The following RPIA variants were observed in gnomAD, a reference collection of about 807,000 sequenced individuals.
RPIA encodes ribose-5-phosphate isomerase.
RPIA carries 29 observed loss-of-function variants against 37.8 expected under a neutral mutation model. The observed-to-expected ratio is 0.77, with a 90% CI of 0.57 to 1.05. The LOEUF is 1.05. Among genes scored for constraint, RPIA ranks in the 50% least tolerant of loss-of-function variants. RPIA has a pLI of 0.00. For missense variants in RPIA, 385 were observed against 413.6 expected (o/e 0.93, Z 0.60); for synonymous variants, 167 against 157.0 (o/e 1.06, Z -0.48).
chr2:88,750,055 A>C lies in RPIA; in HGVS notation c.913A>C (p.Met305Leu). ...TGGGATGCAGGATGGCTCAGTGAAC[A>C]TGAGGGAGAAGCCTTTCTGTTGACC... is the stretch of plus-strand genomic sequence containing the variant. ...YFGMQDGSVN[M>L]REKPFC is the part of the protein sequence containing the mutation. The change falls in exon 9 of 9, where the codon ATG (methionine) becomes CTG (leucine). Residue 305 changes from methionine (M) to leucine (L), a missense_variant. Physicochemically the swap from Met to Leu is conservative, Grantham distance 15 (BLOSUM62 2). This residue lies in a region of RPIA where 153 missense variants were observed against 210.6 expected (regional missense o/e 0.73). Transcript: ENST00000283646. 6.2e-7 allele frequency: 1 copy of C among 1,612,868 alleles called. No homozygotes were observed. The highest frequency in any genetic ancestry group is 2.2e-5 in the East Asian group (1 of 44,818).
At chr2:88,714,229 G>A (rs1312934120) in intron 3 of RPIA, among the ~76,000 whole-genome samples, 1 of 151,662 alleles carries the variant, frequency 6.6e-6, no homozygotes, top group African/African-American at 2.4e-5. Context: ...GGAGTGCAGT[G>A]GCGCGATCTG....
intron 1 of RPIA, among the ~76,000 whole-genome samples, chr2:88,692,820 T>G (rs978126181): frequency 1.3e-5 from 2 of 152,218 alleles, no homozygotes; most frequent in African/African-American, 4.8e-5. Context: ...TCTCCGATAA[T>G]AGTTCTTTAC....
chr2:88,740,102 G>T (rs1490279832), intron 8 of RPIA, among the ~76,000 whole-genome samples: 3 of 152,182 alleles, frequency 2.0e-5, no homozygotes, highest in African/African-American at 7.2e-5. Flanking sequence ...GGGAGAACTT[G>T]CCCTTGGTGA....
At chr2:88,724,974 A>T (rs1349468405) in intron 3 of RPIA, among the ~76,000 whole-genome samples, 2 of 152,206 alleles carry the variant, frequency 1.3e-5, no homozygotes, top group African/African-American at 4.8e-5. Flanking sequence ...TGAAGGGAAA[A>T]CAGAAGTACC....
intron 3 of RPIA, among the ~76,000 whole-genome samples, chr2:88,709,650 T>G (rs1372316949): frequency 6.6e-6 from 1 of 152,160 alleles, no homozygotes; most frequent in Non-Finnish European, 1.5e-5. Flanking sequence ...AATTTGCAAG[T>G]GGGGGAAAGG....
chr2:88,724,074 G>A (rs781701698), intron 3 of RPIA, among the ~76,000 whole-genome samples: 1 of 152,178 alleles, frequency 6.6e-6, no homozygotes, highest in Admixed American at 6.5e-5. Flanking sequence ...GCCCTAAGCA[G>A]TTCCCACCTT....
intron 1 of RPIA, among the ~76,000 whole-genome samples, chr2:88,696,400 C>T (rs1372148808): frequency 2.6e-5 from 4 of 151,888 alleles, no homozygotes; most frequent in Non-Finnish European, 4.4e-5. Flanking sequence ...AAAAAATTAG[C>T]TGGGCATGGT....
At chr2:88,699,962 AAAGT>A (rs1558688191) in intron 2 of RPIA, 43 bp from the exon 3 acceptor site, 1 of 1,594,952 alleles carries the variant, frequency 6.3e-7, no homozygotes, top group South Asian at 1.1e-5. Context: ...CAAGAAGAAT[AAAGT>A]AAGGAGAGTG....
chr2:88,716,828 G>C (rs1032543950), intron 3 of RPIA, among the ~76,000 whole-genome samples: 1 of 152,168 alleles, frequency 6.6e-6, no homozygotes, highest in Non-Finnish European at 1.5e-5. Flanking sequence ...GAAAATTACT[G>C]ACAAAAGGCA....
chr2:88,703,539 C>G (rs1672860624), intron 3 of RPIA, among the ~76,000 whole-genome samples: 1 of 152,262 alleles, frequency 6.6e-6, no homozygotes, highest in Admixed American at 6.5e-5. Flanking sequence ...TCTACATTGG[C>G]CCCTTTCAGC....
intron 8 of RPIA, among the ~76,000 whole-genome samples, chr2:88,748,941 T>G (rs1176506038): frequency 6.6e-6 from 1 of 152,202 alleles, no homozygotes; most frequent in East Asian, 1.9e-4. Context: ...CTCGAACTCC[T>G]GGGCTCCATC....
At chr2:88,729,549 G>C (rs1054455133) in intron 4 of RPIA, among the ~76,000 whole-genome samples, 1 of 152,142 alleles carries the variant, frequency 6.6e-6, no homozygotes, top group Non-Finnish European at 1.5e-5. Flanking sequence ...TGGTTTAACC[G>C]CAAGGGCTCA....
intron 3 of RPIA, among the ~76,000 whole-genome samples, 187 bp from the exon 4 acceptor site, chr2:88,729,091 T>A (rs1326326086): frequency 6.6e-6 from 1 of 152,186 alleles, no homozygotes; most frequent in African/African-American, 2.4e-5. Context: ...TTTTCCCAGC[T>A]CCCAGGTTGA....
rs150457571 is a variant in RPIA at position 88,719,797 on chromosome 2, T to C, written c.403-9481T>C. Among the ~76,000 whole-genome samples the C allele has an allele frequency of 1.5e-3, 235 of 152,332 alleles. 1 individual carries two copies. The highest frequency in any genetic ancestry group is 5.3e-3 in the African/African-American group (221 of 41,582). ...ACATAAGATATAACTTCCATAAGTC[T>C]TTTATAGACTTTATAACCTTTATTA... On this transcript the variant is annotated intron_variant, in intron 3 of 8. Transcript: ENST00000283646.
At chr2:88,718,603 A>G (rs1673065294) in intron 3 of RPIA, among the ~76,000 whole-genome samples, 1 of 152,196 alleles carries the variant, frequency 6.6e-6, no homozygotes. Flanking sequence ...GTGTAAGGTC[A>G]GTTTTTCCAA....
chr2:88,692,274 G>C lies in RPIA; in HGVS notation c.285+291G>C, dbSNP rs543020012. Among the ~76,000 whole-genome samples, 5 of 152,316 alleles carry C rather than the reference G, an allele frequency of 3.3e-5. No homozygotes were observed. The South Asian group carries it at 8.3e-4, about 25-fold the overall frequency. On this transcript the variant is annotated intron_variant, in intron 1 of 8. Transcript: ENST00000283646. ...GGAGCCTGGTGCTGTCTGATGTTTG[G>C]AATGGGGGCTAGAGGCACTTGCCTT...
chr2:88,714,121 CT>C (rs1461508902), intron 3 of RPIA, among the ~76,000 whole-genome samples: 3 of 150,670 alleles, frequency 2.0e-5, no homozygotes, highest in Admixed American at 6.6e-5. Flanking sequence ...ATTGTTTGGT[CT>C]ATTAAATTAT....
chr2:88,715,578 GCTTAATTATAA>G (rs1453662806), intron 3 of RPIA, among the ~76,000 whole-genome samples: 8 of 152,306 alleles, frequency 5.3e-5, no homozygotes, highest in African/African-American at 1.9e-4. Context: ...CCTGATTAAT[GCTTAATTATAA>G]CTATATTTTT....
chr2:88,702,804 A>G (rs1043765058), intron 3 of RPIA, among the ~76,000 whole-genome samples: 6 of 152,230 alleles, frequency 3.9e-5, no homozygotes, highest in Non-Finnish European at 8.8e-5. Context: ...TCATTTCAGC[A>G]TTAACTCAAA....
Sources: allele counts gnomAD v4.1 joint callset (sites outside exome capture counted in the v4.1 genomes callset), GRCh38; gene constraint gnomAD v4.1.1; regional missense constraint gnomAD v4.1.1; transcripts MANE v1.5; gene names NCBI Gene and HGNC (gene_info 2026-07-23, HGNC 2026-07-21).